Variants in WWOX observed in about 807,000 individuals in gnomAD.
WWOX encodes WW domain containing oxidoreductase.
WWOX carries 69 observed loss-of-function variants against 46.2 expected under a neutral mutation model. The observed-to-expected ratio is 1.49, with a 90% CI of 1.23 to 1.82. The LOEUF (loss-of-function observed/expected upper bound fraction) is 1.82, where lower values mean the gene tolerates loss of function less well. WWOX is among the 40% of genes most tolerant of loss of function. The probability of loss-of-function intolerance (pLI) is 0.00; values close to 1 mark genes in which losing one functional copy is unlikely to be tolerated. For synonymous variants in WWOX, 359 were observed against 202.6 expected (o/e 1.77, Z -6.56); for missense variants, 919 against 542.6 (o/e 1.69, Z -6.89).
In WWOX at chr16:78,205,995, T is replaced by A. The variant is rs574445121; in HGVS notation, c.516+41706T>A. ...TTTCTTTCCTCCCTCCCTTCCTCCC[T>A]TCCTGTCTCCATTATTAACTTGCTG... On this transcript the variant is annotated intron_variant, in intron 5 of 8. Coordinates refer to ENST00000566780, the MANE Select transcript of WWOX (RefSeq NM_016373.4). 5.3e-5 allele frequency among the ~76,000 whole-genome samples: 8 copies of A among 152,022 alleles called. No individual in the cohort carries two copies. In the East Asian group the frequency reaches 1.4e-3, roughly 26 times the overall value.
At chr16:78,521,234 G>C (rs2043342208) in intron 8 of WWOX, among the ~76,000 whole-genome samples, 1 of 152,098 alleles carries the variant, frequency 6.6e-6, no homozygotes, top group Non-Finnish European at 1.5e-5. Flanking sequence ...TTTATTTAAA[G>C]TAATTAGAGA....
At chr16:78,887,957 A>T (rs1300270549) in intron 8 of WWOX, among the ~76,000 whole-genome samples, 5 of 152,208 alleles carry the variant, frequency 3.3e-5, no homozygotes, top group Admixed American at 3.3e-4. Context: ...CACTCTGACA[A>T]ACAATTTCTA....
At chr16:78,211,480 A>T (rs528750263) in intron 5 of WWOX, among the ~76,000 whole-genome samples, 1 of 152,230 alleles carries the variant, frequency 6.6e-6, no homozygotes, top group Admixed American at 6.5e-5. Flanking sequence ...AGAGAGAGCG[A>T]TCACACCTGG....
At chr16:78,587,464 T>A (rs995293083) in intron 8 of WWOX, among the ~76,000 whole-genome samples, 1 of 152,170 alleles carries the variant, frequency 6.6e-6, no homozygotes, top group Non-Finnish European at 1.5e-5. Flanking sequence ...ATCCCATTCA[T>A]AATTGATTCC....
At chr16:78,989,094 T>G (rs888233801) in intron 8 of WWOX, among the ~76,000 whole-genome samples, 2 of 152,146 alleles carry the variant, frequency 1.3e-5, no homozygotes, top group Non-Finnish European at 2.9e-5. Flanking sequence ...CAATGATCCC[T>G]TTTTGGAGTC....
At chr16:78,610,333 A>C (rs2045871282) in intron 8 of WWOX, among the ~76,000 whole-genome samples, 1 of 152,234 alleles carries the variant, frequency 6.6e-6, no homozygotes, top group African/African-American at 2.4e-5. Flanking sequence ...GGGGGAAAAA[A>C]AGATTCAATT....
At chr16:79,010,521 G>A (rs1174938458) in intron 8 of WWOX, among the ~76,000 whole-genome samples, 1 of 152,156 alleles carries the variant, frequency 6.6e-6, no homozygotes, top group African/African-American at 2.4e-5. Context: ...GAATAAGCCA[G>A]ATTAAAGCCC....
At chr16:78,780,544 CTG>C (rs1315791893) in intron 8 of WWOX, 1 of 152,098 alleles carries the variant, frequency 6.6e-6, no homozygotes, top group Non-Finnish European at 1.5e-5. Flanking sequence ...TAAATAGAAA[CTG>C]TGATGAGGGA....
At chr16:79,091,141 T>G (rs1281802796) in intron 8 of WWOX, among the ~76,000 whole-genome samples, 1 of 152,152 alleles carries the variant, frequency 6.6e-6, no homozygotes, top group Non-Finnish European at 1.5e-5. Context: ...GAGGTTTTAT[T>G]TGGTTCTGCC....
intron 8 of WWOX, among the ~76,000 whole-genome samples, chr16:79,111,565 C>T (rs1022712698): frequency 2.6e-5 from 4 of 151,702 alleles, no homozygotes; most frequent in Admixed American, 1.3e-4. Flanking sequence ...TGAAAGAGTA[C>T]GATGGGGGAA....
At chr16:78,384,894 C>T (rs548583822) in intron 5 of WWOX, among the ~76,000 whole-genome samples, 41 of 152,044 alleles carry the variant, frequency 2.7e-4, no homozygotes, top group African/African-American at 6.0e-4. Flanking sequence ...CTAGCACTTT[C>T]GGAGGCCGGG....
At chr16:79,013,858 C>G (rs746470864) in intron 8 of WWOX, among the ~76,000 whole-genome samples, 1 of 152,134 alleles carries the variant, frequency 6.6e-6, no homozygotes, top group Non-Finnish European at 1.5e-5. Flanking sequence ...CTCGCTCTGC[C>G]GCCCTCCCAG....
chr16:78,248,750 T>C (rs1460721644), intron 5 of WWOX, among the ~76,000 whole-genome samples: 1 of 151,374 alleles, frequency 6.6e-6, no homozygotes, highest in African/African-American at 2.4e-5. Flanking sequence ...AATAAATAAA[T>C]AAATTTGACA....
At chr16:78,659,101 C>A (rs1487292558) in intron 8 of WWOX, among the ~76,000 whole-genome samples, 34 of 145,034 alleles carry the variant, frequency 2.3e-4, no homozygotes, top group African/African-American at 7.3e-4. Flanking sequence ...CAAAAAAAAA[C>A]AAACAAACAA....
intron 8 of WWOX, among the ~76,000 whole-genome samples, chr16:78,912,576 C>A (rs1252220256): frequency 6.6e-6 from 1 of 152,018 alleles, no homozygotes; most frequent in South Asian, 2.1e-4. Flanking sequence ...GGTTATATCC[C>A]CAGCACTGTA....
chr16:78,613,879 C>T (rs1251473829), intron 8 of WWOX, among the ~76,000 whole-genome samples: 4 of 152,226 alleles, frequency 2.6e-5, no homozygotes, highest in Non-Finnish European at 4.4e-5. Context: ...AGCAAATTCA[C>T]AGCCCATAGG....
chr16:79,027,525 G>T (rs1424354187), intron 8 of WWOX, among the ~76,000 whole-genome samples: 3 of 151,768 alleles, frequency 2.0e-5, no homozygotes, highest in Non-Finnish European at 4.4e-5. Flanking sequence ...ATTTTGGAAT[G>T]TCCAATTCCC....
intron 8 of WWOX, chr16:78,896,661 T>C (rs1441234628): frequency 6.6e-6 from 1 of 152,170 alleles, no homozygotes; most frequent in Non-Finnish European, 1.5e-5. Context: ...CTTAACCTTT[T>C]CAAGCATTTT....
At chr16:78,272,899 T>G (rs1429843006) in intron 5 of WWOX, among the ~76,000 whole-genome samples, 1 of 152,142 alleles carries the variant, frequency 6.6e-6, no homozygotes, top group Non-Finnish European at 1.5e-5. Context: ...CAAGACAACA[T>G]CCTTAACAGC....
Sources: allele counts gnomAD v4.1 joint callset (sites outside exome capture counted in the v4.1 genomes callset), GRCh38; gene constraint gnomAD v4.1.1; transcripts MANE v1.5; gene names NCBI Gene and HGNC (gene_info 2026-07-23, HGNC 2026-07-21).